The following KCNN3 variants were observed in gnomAD, a reference collection of about 807,000 sequenced individuals.
The protein encoded by KCNN3 is small conductance calcium-activated potassium channel protein 3.
A neutral mutation model predicts 62.9 loss-of-function variants in KCNN3; 16 were observed. The ratio of observed to expected loss-of-function variants is 0.25; its 90% CI spans 0.17 to 0.39. The LOEUF (loss-of-function observed/expected upper bound fraction) is 0.39. Among genes scored for constraint, KCNN3 ranks in the 10% least tolerant of loss-of-function variants. KCNN3 has a pLI of 1.00. For synonymous variants in KCNN3, 370 were observed against 389.2 expected, an observed-to-expected ratio of 0.95 and a Z score of 0.58; for missense variants, 599 against 949.4, an observed-to-expected ratio of 0.63 and a Z score of 4.85.
intron 2 of KCNN3, among the ~76,000 whole-genome samples, chr1:154,787,560 C>G (rs1298493306): frequency 6.6e-6 from 1 of 152,174 alleles, no homozygotes; most frequent in African/African-American, 2.4e-5. Flanking sequence ...TGGAGAGGGC[C>G]AGTTTGGTGA....
At chr1:154,740,309 G>A (rs889249436) in intron 3 of KCNN3, among the ~76,000 whole-genome samples, 2 of 152,090 alleles carry the variant, frequency 1.3e-5, no homozygotes, top group African/African-American at 4.8e-5. Context: ...TAGAGACAGG[G>A]TCTTACTCTG....
chr1:154,829,445 A>T (rs532849465), intron 1 of KCNN3, among the ~76,000 whole-genome samples: 2 of 152,206 alleles, frequency 1.3e-5, no homozygotes, highest in Non-Finnish European at 2.9e-5. Context: ...ATGGGGCTAA[A>T]CCTCACTGCC....
chr1:154,836,295 A>C (rs1221609816), intron 1 of KCNN3, among the ~76,000 whole-genome samples: 2 of 152,196 alleles, frequency 1.3e-5, no homozygotes, highest in African/African-American at 4.8e-5. Context: ...TTGTAATAGG[A>C]GGAGCCAGAG....
intron 2 of KCNN3, among the ~76,000 whole-genome samples, chr1:154,773,574 C>T (rs1056025782): frequency 5.3e-5 from 8 of 152,156 alleles, no homozygotes; most frequent in Non-Finnish European, 1.2e-4. Context: ...TAACTCCAGG[C>T]GGACAATCAG....
intron 2 of KCNN3, among the ~76,000 whole-genome samples, chr1:154,798,265 G>T (rs774627539): frequency 1.3e-5 from 2 of 152,194 alleles, no homozygotes; most frequent in African/African-American, 2.4e-5. Flanking sequence ...ACAGAAAATA[G>T]GTGGGCATTG....
rs1204872676 is a variant in KCNN3 at position 154,708,179 on chromosome 1, G to C, written c.1993C>G (p.His665Asp). 1.9e-6 allele frequency: 3 copies of C among 1,613,630 alleles called. No homozygotes were observed. ...AGGGAGTTGAAGCTGGCGGTGAGAT[G>C]CTCCAGCTTCGACTCCAGGCTGCCA... ...QIGSLESKLE[H>D]LTASFNSLPL... The change falls in exon 8 of 8, where the codon CAT (histidine) becomes GAT (aspartate). Residue 665 changes from histidine to aspartate, a missense_variant. Around this residue, in one of 7 missense-constraint regions of KCNN3, gnomAD observed 288 missense variants for 557.4 expected, o/e 0.52. Transcript: ENST00000271915.
At chr1:154,827,492 G>A (rs947867814) in intron 1 of KCNN3, among the ~76,000 whole-genome samples, 2 of 152,026 alleles carry the variant, frequency 1.3e-5, no homozygotes, top group Admixed American at 6.6e-5. Flanking sequence ...CTCCTCCCAG[G>A]TGCAGCACCC....
chr1:154,782,856 T>C (rs1469667618), intron 2 of KCNN3, among the ~76,000 whole-genome samples: 1 of 152,232 alleles, frequency 6.6e-6, no homozygotes, highest in Non-Finnish European at 1.5e-5. Context: ...CCCTTTCACC[T>C]GCCAGCCTGC....
At chr1:154,846,598 G>C (rs1418362041) in intron 1 of KCNN3, among the ~76,000 whole-genome samples, 8 of 152,116 alleles carry the variant, frequency 5.3e-5, no homozygotes, top group Admixed American at 6.5e-5. Context: ...GTCTGCACCG[G>C]GAGCCGATTG....
intron 4 of KCNN3, among the ~76,000 whole-genome samples, chr1:154,726,324 G>T (rs1432907379): frequency 2.0e-5 from 3 of 152,166 alleles, no homozygotes; most frequent in Non-Finnish European, 4.4e-5. Flanking sequence ...CGAGGCTTTG[G>T]GGGGTTTAAC....
intron 3 of KCNN3, among the ~76,000 whole-genome samples, chr1:154,765,389 T>C (rs374951851): frequency 6.6e-6 from 1 of 152,236 alleles, no homozygotes. Flanking sequence ...CTCTTATCTC[T>C]TCTGCATTCT....
chr1:154,715,101 T>C, intron 5 of KCNN3, 98 bp from the exon 6 acceptor site: 1 of 1,427,084 alleles, frequency 7.0e-7, no homozygotes, highest in Non-Finnish European at 9.8e-7. Context: ...GAAACGATTT[T>C]GCAATGATCT....
At position 154,764,076 on chromosome 1, in the gene KCNN3, T is replaced by G. The variant is rs200224904; in HGVS notation, c.1448+7899A>C. Among the ~76,000 whole-genome samples the G allele has an allele frequency of 2.6e-5, 4 of 152,380 alleles. No individual in the cohort carries two copies. The East Asian group carries it at 7.7e-4, about 29-fold the overall frequency. ...TAAATCTTTGCTCTTCATTTATTTT[T>G]GGGTCCTTCTGTTCTAGGTACTTCT... On this transcript the variant is annotated intron_variant, in intron 3 of 7. Transcript: ENST00000271915.
At chr1:154,778,794 G>T (rs1329190296) in intron 2 of KCNN3, among the ~76,000 whole-genome samples, 1 of 151,746 alleles carries the variant, frequency 6.6e-6, no homozygotes, top group Non-Finnish European at 1.5e-5. Context: ...TAGAGATGGG[G>T]TTTCACCATG....
rs752112611 is a variant in KCNN3 at position 154,772,382 on chromosome 1, G to A, written c.1041C>T (p.Ile347=). The change falls in exon 3 of 8, where the codon ATC becomes ATT. Residue 347 remains isoleucine, a synonymous_variant. Transcript: ENST00000271915. This position sits in a 1 kb window ranked among gnomAD's most constrained non-coding sequence, Gnocchi z 5.6. ...TCCGCCAGTCATCCGCGCCATTGTC[G>A]ATCACGAAGAGCTGGTGGGAGCAGA... ...YHTREVQLFV[I]DNGADDWRIA... is the part of the protein sequence containing the mutation. The A allele has an allele frequency of 2.2e-5, 36 of 1,613,926 alleles. No individual in the cohort carries two copies. Among genetic ancestry groups the A allele is most frequent in the South Asian group, 9.9e-5 (9 of 91,028 alleles).
Position 154,869,189 on chromosome 1 carries a change from T to C in KCNN3, c.776A>G (p.Asn259Ser). 6.2e-7 allele frequency: 1 copy of C among 1,614,104 alleles called. No individual in the cohort carries two copies. The highest frequency in any genetic ancestry group is 2.2e-5 in the East Asian group (1 of 44,876). The change falls in exon 1 of 8, where the codon AAC becomes AGC. Residue 259 changes from asparagine to serine, a missense_variant. This residue lies in a region of KCNN3 where 80 missense variants were observed against 85.4 expected (regional missense o/e 0.94). Transcript: ENST00000271915. The surrounding 1 kb of genome is among the most constrained non-coding windows in gnomAD (Gnocchi z 6.1). Reference protein sequence around the residue: ...TASSTTFPKANKRKNQNIGYK... With the variant: ...TASSTTFPKASKRKNQNIGYK... ...GCCAATGTTTTGGTTTTTCCGCTTG[T>C]TGGCTTTGGGGAAGGTGGTGCTGCT...
chr1:154,708,201 G>A lies in KCNN3; in HGVS notation c.1971C>T (p.Gly657=). 1 of 1,613,874 alleles carries A rather than the reference G, an allele frequency of 6.2e-7. No homozygotes were observed. Among genetic ancestry groups the A allele is most frequent in the Non-Finnish European group, 8.5e-7 (1 of 1,179,968 alleles). ...DRSEDLEKQI[G]SLESKLEHLT... Reference sequence around the variant, plus strand: ...GATGCTCCAGCTTCGACTCCAGGCTGCCAATCTGCTTCTCCAGGTCTTCGC... The same window carrying A: ...GATGCTCCAGCTTCGACTCCAGGCTACCAATCTGCTTCTCCAGGTCTTCGC... The change falls in exon 8 of 8, where the codon GGC becomes GGT. Residue 657 remains glycine, a synonymous_variant. Coordinates refer to ENST00000271915, the MANE Select transcript of KCNN3 (RefSeq NM_002249.6).
At chr1:154,771,914 C>T in intron 3 of KCNN3, 61 bp downstream of exon 3, 1 of 1,550,558 alleles carries the variant, frequency 6.4e-7, no homozygotes, top group South Asian at 1.1e-5. Flanking sequence ...GGCACCCCTA[C>T]TCCTCCTCCC....
Position 154,869,723 on chromosome 1 carries a change from G to GGCTGCT in KCNN3, c.236_241dup (p.Gln79_Gln80dup), listed in dbSNP as rs3831942. The GGCTGCT allele has an allele frequency of 0.033, 49,168 of 1,492,684 alleles. 309 individuals carry two copies. Among genetic ancestry groups the GGCTGCT allele is most frequent in the Middle Eastern group, 0.044 (203 of 4,652 alleles). 92.5% of individuals were successfully genotyped at this position (1,492,684 alleles called of 1,614,324 possible). A position where few individuals can be genotyped will look rare whatever the true frequency, so the allele number is the denominator to read the frequency against. On this transcript the variant is annotated inframe_insertion, in exon 1 of 8. Transcript: ENST00000271915. This position sits in a 1 kb window ranked among gnomAD's most constrained non-coding sequence, Gnocchi z 6.1. ...GGCGAGCTGAGACAGGGGATGCGGT[G>GGCTGCT]GCTGCTGCTGCTGCTGCTGCTGCTG...
Sources: gnomAD v4.1 joint callset for allele counts (sites outside exome capture counted in the v4.1 genomes callset) on GRCh38, gnomAD v4.1.1 for gene constraint, gnomAD v4.1.1 regional missense constraint, Gnocchi (gnomAD v3.1) non-coding constraint, MANE v1.5 for transcripts, NCBI Gene and HGNC (gene_info 2026-07-23, HGNC 2026-07-21) for gene names.